The following CNTNAP2 variants were observed in gnomAD, a reference collection of about 807,000 sequenced individuals.
The protein encoded by CNTNAP2 is contactin-associated protein-like 2.
CNTNAP2 carries 98 observed loss-of-function variants against 155.2 expected under a neutral mutation model. The ratio of observed to expected loss-of-function variants is 0.63; its 90% CI spans 0.54 to 0.75. CNTNAP2 has a LOEUF of 0.75. CNTNAP2 is among the 30% of genes least tolerant of loss of function. The pLI, the probability that CNTNAP2 is intolerant of heterozygous loss-of-function variation, is 0.00. For synonymous variants in CNTNAP2, 651 were observed against 631.2 expected (o/e 1.03, Z -0.47); for missense variants, 1,727 against 1,688.1 (o/e 1.02, Z -0.40).
At chr7:147,303,699 A>G (rs981642656) in intron 9 of CNTNAP2, among the ~76,000 whole-genome samples, 7 of 152,150 alleles carry the variant, frequency 4.6e-5, no homozygotes, top group African/African-American at 1.4e-4. Context: ...TTCTTCATCT[A>G]TTAAATGGCA....
At chr7:146,704,204 T>C (rs558931369) in intron 1 of CNTNAP2, among the ~76,000 whole-genome samples, 17 of 152,254 alleles carry the variant, frequency 1.1e-4, no homozygotes, top group South Asian at 2.1e-4. Flanking sequence ...TTGCCACTCA[T>C]TGTAAAAATT....
chr7:146,797,609 A>G (rs1585095182), intron 2 of CNTNAP2, among the ~76,000 whole-genome samples: 1 of 152,226 alleles, frequency 6.6e-6, no homozygotes, highest in East Asian at 1.9e-4. Context: ...AGAAAAAGAA[A>G]GCAGATTAAA....
chr7:148,195,488 C>T (rs1795262355), intron 18 of CNTNAP2, among the ~76,000 whole-genome samples: 1 of 152,210 alleles, frequency 6.6e-6, no homozygotes, highest in South Asian at 2.1e-4. Context: ...TAAATTCCTT[C>T]CCTGTAGTAT....
intron 16 of CNTNAP2, among the ~76,000 whole-genome samples, chr7:148,136,466 G>A (rs371332970): frequency 2.6e-5 from 4 of 152,060 alleles, no homozygotes; most frequent in African/African-American, 7.2e-5. Flanking sequence ...TCCGTCATGA[G>A]CATAAGCTTC....
At chr7:146,240,275 A>G (rs945697562) in intron 1 of CNTNAP2, among the ~76,000 whole-genome samples, 10 of 152,064 alleles carry the variant, frequency 6.6e-5, no homozygotes, top group Non-Finnish European at 2.9e-5. Flanking sequence ...TCTACATATT[A>G]TTTCCTGTTC....
chr7:147,123,778 C>T (rs535101633), intron 6 of CNTNAP2, among the ~76,000 whole-genome samples: 57 of 152,264 alleles, frequency 3.7e-4, no homozygotes, highest in Non-Finnish European at 6.6e-4. Flanking sequence ...TGGTGGCTCA[C>T]GCCTGTAATC....
chr7:148,145,459 T>C (rs1234963241), intron 16 of CNTNAP2, among the ~76,000 whole-genome samples: 2 of 152,176 alleles, frequency 1.3e-5, no homozygotes, highest in African/African-American at 4.8e-5. Flanking sequence ...CAGAGGAAAT[T>C]AGAACAGCAT....
At chr7:148,008,227 C>A (rs1802013829) in intron 15 of CNTNAP2, among the ~76,000 whole-genome samples, 1 of 150,210 alleles carries the variant, frequency 6.7e-6, no homozygotes, top group Non-Finnish European at 1.5e-5. Context: ...AAAAAATTAG[C>A]TGGGCATGGT....
chr7:146,755,804 A>G (rs1801985699), intron 1 of CNTNAP2, among the ~76,000 whole-genome samples: 1 of 152,018 alleles, frequency 6.6e-6, no homozygotes, highest in Non-Finnish European at 1.5e-5. Context: ...TTTATAGGAC[A>G]CTGTACTATA....
At chr7:148,001,050 T>C (rs531739706) in intron 15 of CNTNAP2, among the ~76,000 whole-genome samples, 3 of 152,342 alleles carry the variant, frequency 2.0e-5, no homozygotes, top group Admixed American at 1.3e-4. Context: ...CAGGAAAGTC[T>C]CATTGGATTT....
At chr7:147,082,611 A>G (rs1042126373) in intron 4 of CNTNAP2, 4 of 152,192 alleles carry the variant, frequency 2.6e-5, no homozygotes, top group African/African-American at 7.2e-5. Context: ...CAAATGGAGG[A>G]GAGAATTCCT....
chr7:147,276,038 T>C (rs1159673543), intron 8 of CNTNAP2, among the ~76,000 whole-genome samples: 1 of 152,040 alleles, frequency 6.6e-6, no homozygotes, highest in East Asian at 1.9e-4. Context: ...CATCTTTGTA[T>C]ATGCTCTTGG....
At chr7:146,419,213 A>G (rs1485251690) in intron 1 of CNTNAP2, among the ~76,000 whole-genome samples, 1 of 152,126 alleles carries the variant, frequency 6.6e-6, no homozygotes, top group East Asian at 1.9e-4. Flanking sequence ...AAAGCTAAAC[A>G]AAAGGAGAAA....
intron 13 of CNTNAP2, among the ~76,000 whole-genome samples, chr7:147,746,999 T>A (rs1232552191): frequency 6.6e-6 from 1 of 152,232 alleles, no homozygotes; most frequent in East Asian, 1.9e-4. Flanking sequence ...CAAGTAGAGC[T>A]GTGGAGAAAT....
chr7:147,428,983 A>G (rs1000808190), intron 10 of CNTNAP2, among the ~76,000 whole-genome samples: 3 of 152,038 alleles, frequency 2.0e-5, no homozygotes, highest in African/African-American at 7.2e-5. Context: ...AAGTCTTTGC[A>G]TCCTCATAGC....
chr7:148,105,819 T>G (rs1310686209), intron 15 of CNTNAP2, among the ~76,000 whole-genome samples: 1 of 152,188 alleles, frequency 6.6e-6, no homozygotes, highest in Non-Finnish European at 1.5e-5. Flanking sequence ...ACTCCTGACC[T>G]CAGGTGATCC....
intron 1 of CNTNAP2, among the ~76,000 whole-genome samples, chr7:146,723,766 T>A (rs1385732241): frequency 6.6e-6 from 1 of 152,212 alleles, no homozygotes; most frequent in Non-Finnish European, 1.5e-5. Context: ...GAAGACATTA[T>A]GAAAGTTGGT....
chr7:147,944,438 A>C (rs1009993217), intron 14 of CNTNAP2, among the ~76,000 whole-genome samples: 1 of 152,236 alleles, frequency 6.6e-6, no homozygotes, highest in Non-Finnish European at 1.5e-5. Context: ...GTAGCACACA[A>C]AGGAGGCAGC....
At chr7:146,559,572 A>G (rs1798250042) in intron 1 of CNTNAP2, among the ~76,000 whole-genome samples, 1 of 152,076 alleles carries the variant, frequency 6.6e-6, no homozygotes. Context: ...TGTCTCAAAT[A>G]AATAAATAAA....
Sources: gnomAD v4.1 joint callset for allele counts (sites outside exome capture counted in the v4.1 genomes callset) on GRCh38, gnomAD v4.1.1 for gene constraint, MANE v1.5 for transcripts, NCBI Gene and HGNC (gene_info 2026-07-23, HGNC 2026-07-21) for gene names.